PCLO: variants seen among roughly 807,000 people sequenced by gnomAD.
PCLO encodes the protein piccolo presynaptic cytomatrix protein, also known as protein piccolo.
Under a neutral mutation model 427.5 loss-of-function variants are expected in PCLO, and 82 were observed. The ratio of observed to expected loss-of-function variants is 0.19; its 90% CI spans 0.16 to 0.23. The LOEUF is 0.23. Ranked by LOEUF, PCLO falls within the 10% of genes least tolerant of loss-of-function variation. The pLI is 1.00. For missense variants in PCLO, 6,239 were observed against 6,115.9 expected (o/e 1.02, Z -0.67); for synonymous variants, 2,357 against 2,155.4 (o/e 1.09, Z -2.59).
chr7:82,906,008 T>TAGATAGAC (rs1270350774), intron 8 of PCLO, among the ~76,000 whole-genome samples: 2 of 87,782 alleles, frequency 2.3e-5, no homozygotes, highest in Admixed American at 9.6e-5. Context: ...GTTAAGCATA[T>TAGATAGAC]AGATAGATAG....
At chr7:82,909,653 C>T (rs1413532051) in intron 7 of PCLO, among the ~76,000 whole-genome samples, 1 of 152,044 alleles carries the variant, frequency 6.6e-6, no homozygotes, top group Admixed American at 6.6e-5. Flanking sequence ...TTTGAAAATA[C>T]GACATTTCTA....
chr7:82,997,123 A>G (rs1008601402), intron 3 of PCLO, among the ~76,000 whole-genome samples: 31 of 151,956 alleles, frequency 2.0e-4, no homozygotes, highest in Admixed American at 1.8e-3. Flanking sequence ...CTACACTTCA[A>G]TGGATAATAA....
In PCLO at chr7:82,949,504, G is replaced by C; in HGVS notation, c.11084C>G (p.Ala3695Gly). Residue 3695 changes from alanine to glycine, a missense_variant, in exon 6 of 25, where the codon GCT becomes GGT. Physicochemically the swap from Ala to Gly is moderately conservative, Grantham distance 60. Transcript: ENST00000333891. ...LSPTADESSR[A>G]PFQYTEGYTT... is the part of the protein sequence containing the mutation. ...ATAGCCCTCGGTATACTGAAAAGGA[G>C]CCCTGGAACTTTCGTCTGCTGTTGG... 6.2e-7 allele frequency: 1 copy of C among 1,609,500 alleles called. No individual in the cohort carries two copies.
intron 8 of PCLO, among the ~76,000 whole-genome samples, chr7:82,905,155 C>T (rs1360314133): frequency 1.3e-5 from 2 of 152,018 alleles, no homozygotes; most frequent in African/African-American, 4.8e-5. Flanking sequence ...AGGGGATGGT[C>T]TCTGTTATCA....
At chr7:83,058,248 C>A (rs1190141592) in intron 3 of PCLO, among the ~76,000 whole-genome samples, 1 of 152,272 alleles carries the variant, frequency 6.6e-6, no homozygotes, top group East Asian at 1.9e-4. Flanking sequence ...AGGACTTAGG[C>A]ATTTAATAGT....
At chr7:83,154,227 T>G (rs1404823895) in intron 2 of PCLO, among the ~76,000 whole-genome samples, 1 of 152,204 alleles carries the variant, frequency 6.6e-6, no homozygotes, top group Non-Finnish European at 1.5e-5. Context: ...TTAATACTGT[T>G]ATTAAGGACT....
At chr7:82,780,091 C>T (rs957033257) in intron 22 of PCLO, among the ~76,000 whole-genome samples, 4 of 152,146 alleles carry the variant, frequency 2.6e-5, no homozygotes, top group Non-Finnish European at 4.4e-5. Context: ...TGCTGTACTA[C>T]ATTTGGTTGG....
chr7:82,967,522 C>G (rs1255729561), intron 3 of PCLO, among the ~76,000 whole-genome samples: 1 of 151,968 alleles, frequency 6.6e-6, no homozygotes, highest in African/African-American at 2.4e-5. Context: ...CCATGGTCAC[C>G]CGCACTAAAT....
chr7:82,912,501 C>T (rs1327289740), intron 7 of PCLO, among the ~76,000 whole-genome samples: 1 of 151,740 alleles, frequency 6.6e-6, no homozygotes, highest in Non-Finnish European at 1.5e-5. Flanking sequence ...AGTTTTCCTG[C>T]CCCAATTTAT....
At chr7:82,984,098 T>C (rs1443153607) in intron 3 of PCLO, among the ~76,000 whole-genome samples, 1 of 152,012 alleles carries the variant, frequency 6.6e-6, no homozygotes, top group African/African-American at 2.4e-5. Context: ...ATAATCATAA[T>C]ATCTAACTAT....
At chr7:82,889,367 G>A (rs948066920) in intron 9 of PCLO, among the ~76,000 whole-genome samples, 1 of 151,996 alleles carries the variant, frequency 6.6e-6, no homozygotes, top group Non-Finnish European at 1.5e-5. Flanking sequence ...TAAAATATTG[G>A]ACAAAATATC....
chr7:83,162,217 C>A, intron 1 of PCLO, 128 bp downstream of exon 1: 1 of 1,118,334 alleles, frequency 8.9e-7, no homozygotes, highest in Non-Finnish European at 1.2e-6. Context: ...TATGGCCACC[C>A]CACTGGGGAG....
At chr7:82,822,310 A>G in intron 20 of PCLO, 185 bp downstream of exon 20, 1 of 1,434,922 alleles carries the variant, frequency 7.0e-7, no homozygotes, top group Non-Finnish European at 9.1e-7. Flanking sequence ...TATGTAAATA[A>G]AAAAAATCTA....
chr7:82,762,342 C>G (rs1184222856), intron 22 of PCLO, among the ~76,000 whole-genome samples: 1 of 151,808 alleles, frequency 6.6e-6, no homozygotes, highest in African/African-American at 2.4e-5. Flanking sequence ...AGTGTGTTCT[C>G]AAAAGGAAAT....
intron 22 of PCLO, among the ~76,000 whole-genome samples, chr7:82,763,665 C>A (rs890256901): frequency 5.3e-5 from 8 of 152,024 alleles, no homozygotes; most frequent in African/African-American, 1.9e-4. Context: ...ATATCTATAA[C>A]ATATCTCTCC....
At chr7:83,014,078 G>C (rs939954466) in intron 3 of PCLO, among the ~76,000 whole-genome samples, 1 of 152,084 alleles carries the variant, frequency 6.6e-6, no homozygotes, top group Non-Finnish European at 1.5e-5. Flanking sequence ...ATTCTGGCTA[G>C]CTTTACACTT....
intron 6 of PCLO, among the ~76,000 whole-genome samples, chr7:82,936,110 A>G (rs1217963781): frequency 2.6e-5 from 4 of 151,708 alleles, no homozygotes; most frequent in African/African-American, 9.7e-5. Context: ...ACCAAACAGC[A>G]GAGTGCACAT....
intron 4 of PCLO, among the ~76,000 whole-genome samples, chr7:82,958,932 C>G (rs1795594081): frequency 6.6e-6 from 1 of 152,158 alleles, no homozygotes; most frequent in Non-Finnish European, 1.5e-5. Flanking sequence ...AACCCTAGCC[C>G]CATCCTCCCT....
At chr7:82,812,267 A>G (rs747755439) in intron 20 of PCLO, among the ~76,000 whole-genome samples, 9 of 151,594 alleles carry the variant, frequency 5.9e-5, no homozygotes, top group Non-Finnish European at 1.0e-4. Flanking sequence ...ACTTCAGGAA[A>G]CAGAAGTAAT....
Sources: gnomAD v4.1 joint callset for allele counts (sites outside exome capture counted in the v4.1 genomes callset) on GRCh38, gnomAD v4.1.1 for gene constraint, MANE v1.5 for transcripts, NCBI Gene and HGNC (gene_info 2026-07-23, HGNC 2026-07-21) for gene names.